RASEF: variants seen among roughly 807,000 people sequenced by gnomAD.
The protein encoded by RASEF is RAS and EF-hand domain containing, also known as ras and EF-hand domain-containing protein.
In RASEF, 68 loss-of-function variants were observed where a neutral mutation model predicts 90.1. That is an observed-to-expected ratio of 0.75 (90% CI 0.62 to 0.92). RASEF has a LOEUF of 0.92. Among genes scored for constraint, RASEF ranks in the 40% least tolerant of loss-of-function variants. The pLI, the probability that RASEF is intolerant of heterozygous loss-of-function variation, is 0.00. For missense variants in RASEF, 949 were observed against 937.2 expected, an observed-to-expected ratio of 1.01 and a Z score of -0.16; for synonymous variants, 331 against 345.2, an observed-to-expected ratio of 0.96 and a Z score of 0.46.
At chr9:83,187,227 T>C in the RASEF span, among the ~76,000 whole-genome samples, 1 of 152,172 alleles carries the variant, frequency 6.6e-6, no homozygotes, top group South Asian at 2.1e-4. Context: ...TCCCATGTAG[T>C]CCTGTCTGGC....
the RASEF span, among the ~76,000 whole-genome samples, chr9:83,093,146 A>G: frequency 2.6e-5 from 4 of 152,182 alleles, no homozygotes; most frequent in East Asian, 7.7e-4. Flanking sequence ...TGAGCTAGAT[A>G]CAGAGTGCCG....
chr9:83,219,215 A>G, the RASEF span: 1 of 152,212 alleles, frequency 6.6e-6, no homozygotes, highest in Non-Finnish European at 1.5e-5. Flanking sequence ...GAGTGCCTGG[A>G]CAGAGAGTTA....
intron 9 of RASEF, among the ~76,000 whole-genome samples, 193 bp from the exon 10 acceptor site, chr9:83,001,323 G>C (rs546679145): frequency 1.3e-5 from 2 of 152,220 alleles, no homozygotes; most frequent in East Asian, 3.9e-4. Flanking sequence ...GCAGCAATCA[G>C]TTAAGATAAA....
chr9:83,043,725 T>C (rs1434512963), intron 1 of RASEF, among the ~76,000 whole-genome samples: 2 of 152,118 alleles, frequency 1.3e-5, no homozygotes, highest in Non-Finnish European at 2.9e-5. Context: ...TTTTTTTTTC[T>C]GGGTCTTTTC....
chr9:83,013,587 T>G (rs938193863), intron 4 of RASEF, among the ~76,000 whole-genome samples: 3 of 152,168 alleles, frequency 2.0e-5, no homozygotes, highest in East Asian at 3.9e-4. Context: ...CAAATAAACA[T>G]CTTGCTGTTT....
the RASEF span, among the ~76,000 whole-genome samples, chr9:83,148,835 C>T: frequency 7.2e-5 from 11 of 152,168 alleles, no homozygotes; most frequent in African/African-American, 1.7e-4. Flanking sequence ...GAGAAGACAG[C>T]GAGAAAACCA....
chr9:83,076,018 A>C, the RASEF span, among the ~76,000 whole-genome samples: 1 of 152,012 alleles, frequency 6.6e-6, no homozygotes, highest in Non-Finnish European at 1.5e-5. Context: ...AAATACAAAA[A>C]TTACCTGGGC....
chr9:83,004,606 A>G lies in RASEF; in HGVS notation c.1114-20T>C, dbSNP rs1424833867. The stretch of plus-strand genomic sequence containing the variant: ...TATATGCTGTAATATAGAAGTAATC[A>G]TTTGTTAGTTCATGTAATTTTCATG... On this transcript the variant is annotated intron_variant, in intron 8 of 16. Coordinates refer to ENST00000376447, the MANE Select transcript of RASEF (RefSeq NM_152573.4). 3 of 1,394,702 alleles carry G rather than the reference A, an allele frequency of 2.2e-6. No homozygotes were observed. The East Asian group carries it at 6.9e-5, about 32-fold the overall frequency. The allele number at this position is 1,394,702 out of a possible 1,614,324, so 86.4% of individuals were successfully genotyped here. A position where few individuals can be genotyped will look rare whatever the true frequency, so the allele number is the denominator to read the frequency against.
chr9:83,056,119 T>C (rs1015576896), intron 1 of RASEF, among the ~76,000 whole-genome samples: 3 of 152,226 alleles, frequency 2.0e-5, no homozygotes, highest in African/African-American at 7.2e-5. Context: ...ATAAGACATA[T>C]AGACTAAGGC....
intron 16 of RASEF, among the ~76,000 whole-genome samples, chr9:82,984,475 TG>T (rs1828674612): frequency 6.6e-6 from 1 of 152,196 alleles, no homozygotes; most frequent in Non-Finnish European, 1.5e-5. Context: ...AAAAATAAAC[TG>T]ATTCTAGCTA....
At chr9:83,067,962 A>G (rs930014322), upstream of RASEF, among the ~76,000 whole-genome samples, 1 of 152,084 alleles carries the variant, frequency 6.6e-6, no homozygotes, top group East Asian at 1.9e-4. Flanking sequence ...TGCAGCCTCA[A>G]CCTCCCTGGA....
chr9:83,214,002 T>C, the RASEF span, among the ~76,000 whole-genome samples: 1 of 152,242 alleles, frequency 6.6e-6, no homozygotes, highest in Non-Finnish European at 1.5e-5. Context: ...GGAGGATCAC[T>C]TGAGCCCAGG....
chr9:83,142,819 G>T, the RASEF span, among the ~76,000 whole-genome samples: 2 of 152,154 alleles, frequency 1.3e-5, no homozygotes, highest in African/African-American at 4.8e-5. Context: ...AGTTTATCAA[G>T]AATCAGTGGC....
chr9:83,216,984 C>T, the RASEF span, among the ~76,000 whole-genome samples: 1 of 152,194 alleles, frequency 6.6e-6, no homozygotes, highest in Non-Finnish European at 1.5e-5. Context: ...CTGTACCCTA[C>T]AAAGCCACAC....
chr9:83,123,001 A>G, the RASEF span, among the ~76,000 whole-genome samples: 1 of 151,240 alleles, frequency 6.6e-6, no homozygotes, highest in African/African-American at 2.4e-5. Context: ...ACACTTTGGC[A>G]GGCCGAGGCA....
chr9:83,094,570 C>G, the RASEF span, among the ~76,000 whole-genome samples: 1 of 152,018 alleles, frequency 6.6e-6, no homozygotes, highest in Non-Finnish European at 1.5e-5. Context: ...TTTATCAACT[C>G]TAGGAATTTA....
chr9:83,202,333 G>A, the RASEF span, among the ~76,000 whole-genome samples: 1 of 152,116 alleles, frequency 6.6e-6, no homozygotes. Flanking sequence ...TAACAAAAGA[G>A]AAAACAGAAC....
chr9:82,983,543 G>A (rs1233446223), intron 16 of RASEF, among the ~76,000 whole-genome samples: 2 of 152,146 alleles, frequency 1.3e-5, no homozygotes, highest in Non-Finnish European at 2.9e-5. Context: ...ATCTCTGCCA[G>A]CGAGATGAGT....
the RASEF span, among the ~76,000 whole-genome samples, chr9:83,146,358 A>G: frequency 6.6e-6 from 1 of 152,178 alleles, no homozygotes; most frequent in African/African-American, 2.4e-5. Flanking sequence ...CTAATCCCCT[A>G]CTATGTGCTA....
Sources: allele counts gnomAD v4.1 joint callset (sites outside exome capture counted in the v4.1 genomes callset), GRCh38; gene constraint gnomAD v4.1.1; transcripts MANE v1.5; gene names NCBI Gene and HGNC (gene_info 2026-07-23, HGNC 2026-07-21).